HCFC1: variants seen among roughly 807,000 people sequenced by gnomAD.
HCFC1 encodes the protein host cell factor C1.
In HCFC1, 7 loss-of-function variants were observed where a neutral mutation model predicts 105.5. That is an observed-to-expected ratio of 0.07 (90% CI 0.04 to 0.12). The LOEUF (loss-of-function observed/expected upper bound fraction) is 0.12. HCFC1 is among the 10% of genes least tolerant of loss of function. The pLI, the probability that HCFC1 is intolerant of heterozygous loss-of-function variation, is 1.00. For synonymous variants in HCFC1, 918 were observed against 828.1 expected (o/e 1.11, Z -1.86); for missense variants, 1,065 against 1,823.6 (o/e 0.58, Z 7.58).
At chrX:153,962,404 T>C (rs2065438128) in intron 4 of HCFC1, 98 bp from the exon 5 acceptor site, 7 of 590,072 alleles carry the variant, frequency 1.2e-5, no homozygotes, top group African/African-American at 2.2e-5. Flanking sequence ...TCTGTCTCAG[T>C]GAGAGAATTC....
chrX:153,951,523 T>G (rs781999498), intron 21 of HCFC1, 36 bp from the exon 22 acceptor site: 9 of 1,208,075 alleles, frequency 7.4e-6, no homozygotes, highest in South Asian at 3.5e-5. Flanking sequence ...GATCAGGCCC[T>G]CAGCACCTAG....
rs1557113542 is a variant in HCFC1, at chrX:153,954,174, C to T, written c.4225G>A (p.Ala1409Thr). 1 of 1,194,376 alleles carries T rather than the reference C, an allele frequency of 8.4e-7. No homozygotes were observed. Among genetic ancestry groups the T allele is most frequent in the East Asian group, 3.0e-5 (1 of 33,179 alleles). The stretch of plus-strand genomic sequence containing the variant: ...CACACCCTCTGTGTTGGGAAAGGAG[C>T]CAGCAGCGCGGTGCCAGCCTGGGGG... ...VTPQAGTALL[A>T]PFPTQRVCSN... Residue 1409 changes from alanine (A) to threonine (T), a missense_variant, in exon 17 of 26, where the codon GCT becomes ACT. Physicochemically the swap from Ala to Thr is moderately conservative, Grantham distance 58 (BLOSUM62 0). Transcript: ENST00000310441.
At chrX:153,956,859 G>A in intron 14 of HCFC1, 59 bp downstream of exon 14, 2 of 1,203,218 alleles carry the variant, frequency 1.7e-6, no homozygotes. Flanking sequence ...GACCTGCGTG[G>A]CGTGCTGGGG....
rs1557113442 is a variant in HCFC1 at position 153,953,945 on chromosome X, T to C, written c.4333+121A>G. ...AGGACGCCCCAGCTCTCCCCACTGG[T>C]AAATTGGGTGCCAAGGAGCCTGACT... On this transcript the variant is annotated intron_variant, in intron 17 of 25. Coordinates refer to ENST00000310441, the MANE Select transcript of HCFC1 (RefSeq NM_005334.3). 3.2e-6 allele frequency: 3 copies of C among 944,873 alleles called. No individual in the cohort carries two copies. The East Asian group carries it at 9.4e-5, about 30-fold the overall frequency. The allele number at this position is 944,873 out of a possible 1,213,427, so 77.9% of individuals were successfully genotyped here. A position where few individuals can be genotyped will look rare whatever the true frequency, so the allele number is the denominator to read the frequency against.
intron 1 of HCFC1, among the ~76,000 whole-genome samples, chrX:153,968,932 C>T (rs1354071747): frequency 9.0e-6 from 1 of 111,537 alleles, no homozygotes; most frequent in Non-Finnish European, 1.9e-5. Context: ...CCTGGGCTGG[C>T]GCGGGGCACC....
intron 18 of HCFC1, 155 bp from the exon 19 acceptor site, chrX:153,953,113 G>A (rs1259865865): frequency 1.9e-6 from 1 of 522,059 alleles, no homozygotes; most frequent in African/African-American, 2.3e-5. Flanking sequence ...AGAAGCCCCT[G>A]TCAGAGGGGA....
Position 153,952,783 on chromosome X carries a change from C to A in HCFC1, c.4673G>T (p.Gly1558Val). ...CACCGCAGAGCCGGCAGACTCCTGGCCCGAAGATGGCTCCCCTGTGCTGCT... is the reference window on the plus strand; with the variant it reads ...CACCGCAGAGCCGGCAGACTCCTGGACCGAAGATGGCTCCCCTGTGCTGCT... ...DLSSTGEPSS[G>V]QESAGSAVVA... The change falls in exon 19 of 26, where the codon GGC (glycine) becomes GTC (valine). Residue 1558 changes from glycine to valine, a missense_variant. Physicochemically the swap from Gly to Val is moderately radical, Grantham distance 109 (BLOSUM62 -3). Around this residue, in one of 17 missense-constraint regions of HCFC1, gnomAD observed 546 missense variants for 599.9 expected, o/e 0.91. Transcript: ENST00000310441. The A allele has an allele frequency of 8.3e-7, 1 of 1,206,792 alleles. No homozygotes were observed. The highest frequency in any genetic ancestry group is 1.1e-6 in the Non-Finnish European group (1 of 893,047).
At position 153,959,464 on chromosome X, in the gene HCFC1, C is replaced by A. The variant is rs1057524819; in HGVS notation, c.1472G>T (p.Gly491Val). Reference sequence around the variant, plus strand: ...TGGAGTTCCTGTTGTAGCCTGAGGACCGGTCACTTTGAGAACAGCAGGGAC... The same window carrying A: ...TGGAGTTCCTGTTGTAGCCTGAGGAACGGTCACTTTGAGAACAGCAGGGAC... ...QGVPAVLKVT[G>V]PQATTGTPLV... The change falls in exon 9 of 26, where the codon GGT becomes GTT. Residue 491 changes from glycine to valine, a missense_variant. This residue lies in a region of HCFC1 where 101 missense variants were observed against 155.1 expected (regional missense o/e 0.65). Coordinates refer to ENST00000310441, the MANE Select transcript of HCFC1 (RefSeq NM_005334.3). The A allele has an allele frequency of 8.3e-7, 1 of 1,211,611 alleles. No individual in the cohort carries two copies. The highest frequency in any genetic ancestry group is 1.1e-6 in the Non-Finnish European group (1 of 895,365).
rs782461034 is a variant in HCFC1, at chrX:153,963,381, C to T, written c.556G>A (p.Ala186Thr). The part of the protein sequence containing the change: ...LELRPGSGVV[A>T]WDIPITYGVL... ...CCGTAAGTGATGGGAATGTCCCAGG[C>T]TACCACTCCAGAGCCTGGCCGTAAT... Residue 186 changes from alanine (A) to threonine (T), a missense_variant, in exon 4 of 26, where the codon GCC (alanine) becomes ACC (threonine). Transcript: ENST00000310441. 8.3e-7 allele frequency: 1 copy of T among 1,210,835 alleles called. No homozygotes were observed. The highest frequency in any genetic ancestry group is 1.1e-6 in the Non-Finnish European group (1 of 894,328).
At chrX:153,950,773 A>C (rs1557112227) in intron 23 of HCFC1, 40 bp downstream of exon 23, 1 of 1,188,932 alleles carries the variant, frequency 8.4e-7, no homozygotes, top group Non-Finnish European at 1.1e-6. Flanking sequence ...GCAGGCAGAA[A>C]CCAACCAGGG....
intron 18 of HCFC1, 64 bp from the exon 19 acceptor site, chrX:153,953,022 T>C: frequency 1.0e-6 from 1 of 972,973 alleles, no homozygotes; most frequent in Non-Finnish European, 1.4e-6. Context: ...TGGTCACTGT[T>C]ATTTTGGCCG....
rs782815241 is a variant in HCFC1, at chrX:153,962,316, G to C, written c.713-10C>G. 4.3e-6 allele frequency: 5 copies of C among 1,176,032 alleles called. No homozygotes were observed. The African/African-American group carries it at 7.1e-5, about 17-fold the overall frequency. ...TTCCACGTCAGGGTGTCTGCAGAGA[G>C]ACGGAGGGGAAAGGGTTACACAAGG... is the stretch of plus-strand genomic sequence containing the variant. On this transcript the variant is annotated splice_polypyrimidine_tract_variant and intron_variant, in intron 4 of 25. Transcript: ENST00000310441.
chrX:153,950,937 G>A lies in HCFC1; in HGVS notation c.5579C>T (p.Thr1860Ile). Residue 1860 changes from threonine (T) to isoleucine (I), a missense_variant, in exon 23 of 26, where the codon ACA becomes ATA. Around this residue, in one of 17 missense-constraint regions of HCFC1, gnomAD observed 5 missense variants for 43.2 expected, o/e 0.12. Transcript: ENST00000310441. Reference sequence around the variant, plus strand: ...TCCGGCAACACGAAACTTATAGGCTGTGCCTGGCTGCAGCTCCTGCTTCTT... The same window carrying A: ...TCCGGCAACACGAAACTTATAGGCTATGCCTGGCTGCAGCTCCTGCTTCTT... The part of the protein sequence containing the change: ...QLKKQELQPG[T>I]AYKFRVAGIN... 1 of 1,210,988 alleles carries A rather than the reference G, an allele frequency of 8.3e-7. No homozygotes were observed. The highest frequency in any genetic ancestry group is 1.1e-6 in the Non-Finnish European group (1 of 895,127).
At chrX:153,955,656 C>T in intron 16 of HCFC1, 114 bp from the exon 17 acceptor site, 1 of 767,127 alleles carries the variant, frequency 1.3e-6, no homozygotes, top group Non-Finnish European at 1.8e-6. Flanking sequence ...TTCTCAACGG[C>T]CCTGGCAGAC....
At chrX:153,952,229 C>T in intron 19 of HCFC1, 71 bp from the exon 20 acceptor site, 1 of 1,079,360 alleles carries the variant, frequency 9.3e-7, no homozygotes, top group South Asian at 2.4e-5. Context: ...GGGCGGAGGC[C>T]CCCAAAGCCT....
chrX:153,952,621 A>G lies in HCFC1; in HGVS notation c.4835T>C (p.Leu1612Pro). The stretch of plus-strand genomic sequence containing the variant: ...TGCTTCTGCAGCAGCCGTCACTGCC[A>G]GCTCCTCGGGGGTGAGCCCCGTTAC... Reference protein sequence around the residue: ...LMVTGLTPEELAVTAAAEAAA... With the variant: ...LMVTGLTPEEPAVTAAAEAAA... The change falls in exon 19 of 26, where the codon CTG (leucine) becomes CCG (proline). Residue 1612 changes from leucine (L) to proline (P), a missense_variant. Around this residue, in one of 17 missense-constraint regions of HCFC1, gnomAD observed 7 missense variants for 29.5 expected, o/e 0.24. Transcript: ENST00000310441. 1 of 1,210,504 alleles carries G rather than the reference A, an allele frequency of 8.3e-7. No individual in the cohort carries two copies. Among genetic ancestry groups the G allele is most frequent in the Non-Finnish European group, 1.1e-6 (1 of 894,814 alleles).
chrX:153,956,792 C>A (rs782390783), intron 14 of HCFC1, 29 bp from the exon 15 acceptor site: 1 of 1,208,044 alleles, frequency 8.3e-7, no homozygotes, highest in African/African-American at 1.7e-5. Context: ...GTGCCACCAA[C>A]GTCACCACCA....
intron 1 of HCFC1, chrX:153,969,226 A>G (rs1248879834): frequency 9.0e-6 from 1 of 111,097 alleles, no homozygotes. Context: ...CCCCCAGAGC[A>G]TCGAGGCACT....
rs1557113641 is a variant in HCFC1 at position 153,954,273 on chromosome X, G to A, written c.4126C>T (p.Leu1376=). ...TGGGAAGAAGTGGCGTCGGGAAGCA[G>A]GGCACCCACGCTGACCGACATGGTG... ...GTTMSVSVGA[L]LPDATSSHRT... is the part of the protein sequence containing the mutation. The change falls in exon 17 of 26, where the codon CTG becomes TTG. Residue 1376 remains leucine (L), a synonymous_variant. Transcript: ENST00000310441. 1 of 1,201,336 alleles carries A rather than the reference G, an allele frequency of 8.3e-7. No individual in the cohort carries two copies. The highest frequency in any genetic ancestry group is 1.1e-6 in the Non-Finnish European group (1 of 889,408).
Sources: allele counts gnomAD v4.1 joint callset (sites outside exome capture counted in the v4.1 genomes callset), GRCh38; gene constraint gnomAD v4.1.1; regional missense constraint gnomAD v4.1.1; transcripts MANE v1.5; gene names NCBI Gene and HGNC (gene_info 2026-07-23, HGNC 2026-07-21).